GBE1: variants seen among roughly 807,000 people sequenced by gnomAD.
GBE1 encodes the protein 1,4-alpha-glucan branching enzyme 1.
GBE1 carries 70 observed loss-of-function variants against 88.8 expected under a neutral mutation model. The observed-to-expected ratio is 0.79, with a 90% CI of 0.65 to 0.96. The LOEUF is 0.96. GBE1 is among the 40% of genes least tolerant of loss of function. The pLI is 0.00. For synonymous variants in GBE1, 284 were observed against 300.1 expected, an observed-to-expected ratio of 0.95 and a Z score of 0.56; for missense variants, 872 against 871.0, an observed-to-expected ratio of 1.00 and a Z score of -0.01.
At chr3:81,608,531 A>G (rs927595287) in intron 7 of GBE1, among the ~76,000 whole-genome samples, 1 of 152,232 alleles carries the variant, frequency 6.6e-6, no homozygotes, top group Non-Finnish European at 1.5e-5. Context: ...TACGTTTGTG[A>G]TATTTGCTAT....
In GBE1 at chr3:81,610,993, T is replaced by C. The variant is rs112282191; in HGVS notation, c.993-16970A>G. Among the ~76,000 whole-genome samples the C allele has an allele frequency of 6.4e-3, 955 of 149,468 alleles. 11 individuals are homozygous for C. Among genetic ancestry groups the C allele is most frequent in the African/African-American group, 0.022 (897 of 41,092 alleles). ...TGATTTTAAGATTTTGCCAGACATA[T>C]ACTGGGGCTTTAAAAAAAAAAAGTA... On this transcript the variant is annotated intron_variant, in intron 7 of 15. Transcript: ENST00000429644.
intron 2 of GBE1, among the ~76,000 whole-genome samples, chr3:81,690,143 C>T (rs1459842433): frequency 6.6e-6 from 1 of 152,084 alleles, no homozygotes; most frequent in Middle Eastern, 3.2e-3. Context: ...TTCTAATGAG[C>T]ACAGTAAGAT....
chr3:81,702,591 C>T (rs1265035539), intron 2 of GBE1, among the ~76,000 whole-genome samples: 2 of 151,884 alleles, frequency 1.3e-5, no homozygotes, highest in Non-Finnish European at 2.9e-5. Context: ...GCTTTTCATG[C>T]CCTTAGTTAC....
chr3:81,626,696 G>A (rs1704421156), intron 7 of GBE1, among the ~76,000 whole-genome samples: 1 of 146,734 alleles, frequency 6.8e-6, no homozygotes, highest in Admixed American at 6.9e-5. Context: ...TGAGACTAGA[G>A]CCAGATCCTT....
At chr3:81,570,461 G>C (rs1482207067) in intron 12 of GBE1, among the ~76,000 whole-genome samples, 1 of 152,232 alleles carries the variant, frequency 6.6e-6, no homozygotes, top group African/African-American at 2.4e-5. Flanking sequence ...CAAATCTTAA[G>C]AGGGAGAAGA....
chr3:81,631,059 C>G (rs1167474440), intron 7 of GBE1, among the ~76,000 whole-genome samples: 1 of 151,862 alleles, frequency 6.6e-6, no homozygotes, highest in Non-Finnish European at 1.5e-5. Context: ...AAATAATTAG[C>G]CAGGCATGGT....
At chr3:81,512,995 C>T (rs958712761) in intron 14 of GBE1, among the ~76,000 whole-genome samples, 37 of 151,542 alleles carry the variant, frequency 2.4e-4, no homozygotes, top group African/African-American at 8.5e-4. Context: ...CTAGGTTATA[C>T]TAGAGTTTTT....
At chr3:81,702,258 G>C (rs2107163850) in intron 2 of GBE1, among the ~76,000 whole-genome samples, 1 of 151,682 alleles carries the variant, frequency 6.6e-6, no homozygotes, top group East Asian at 1.9e-4. Flanking sequence ...TGACCCACGT[G>C]TATATCTTTT....
chr3:81,610,899 C>T (rs1704172935), intron 7 of GBE1, among the ~76,000 whole-genome samples: 2 of 152,062 alleles, frequency 1.3e-5, no homozygotes, highest in African/African-American at 4.8e-5. Flanking sequence ...CATAAACCTT[C>T]ATTCACTAAC....
chr3:81,698,483 A>C (rs1705636390), intron 2 of GBE1, among the ~76,000 whole-genome samples: 1 of 152,328 alleles, frequency 6.6e-6, no homozygotes, highest in African/African-American at 2.4e-5. Flanking sequence ...AATAATCTAC[A>C]TGCAAAAGTC....
intron 7 of GBE1, among the ~76,000 whole-genome samples, chr3:81,636,738 C>A (rs1240663505): frequency 2.6e-5 from 4 of 152,204 alleles, no homozygotes; most frequent in Middle Eastern, 3.4e-3. Flanking sequence ...CTATATTGGT[C>A]AGGCTGGTTT....
intron 1 of GBE1, among the ~76,000 whole-genome samples, chr3:81,725,308 C>T (rs997032723): frequency 6.6e-6 from 1 of 151,916 alleles, no homozygotes; most frequent in South Asian, 2.1e-4. Flanking sequence ...AATATATTTT[C>T]TTTCTTTAAA....
chr3:81,643,080 T>A (rs757183544), intron 6 of GBE1, 90 bp from the exon 7 acceptor site: 1 of 827,980 alleles, frequency 1.2e-6, no homozygotes, highest in South Asian at 1.6e-5. Flanking sequence ...ATCGCAGTAC[T>A]AGATACTTTA....
intron 12 of GBE1, among the ~76,000 whole-genome samples, chr3:81,551,012 C>G (rs1028356471): frequency 6.6e-6 from 1 of 152,072 alleles, no homozygotes; most frequent in Non-Finnish European, 1.5e-5. Flanking sequence ...GTATAGGGAC[C>G]CTTTTCTGGT....
chr3:81,730,340 T>C lies in GBE1; in HGVS notation c.144-24727A>G, dbSNP rs184640800. On this transcript the variant is annotated intron_variant, in intron 1 of 15. Coordinates refer to ENST00000429644, the MANE Select transcript of GBE1 (RefSeq NM_000158.4). ...AACTAGCAGCAAATATATAGTGTTA[T>C]CTCCCCATAGGCAGAATGTGGGTCC... Among the ~76,000 whole-genome samples, 31 of 152,250 alleles carry C rather than the reference T, an allele frequency of 2.0e-4. No individual in the cohort carries two copies. In the East Asian group the frequency reaches 5.8e-3, roughly 29 times the overall value.
At chr3:81,588,155 A>G (rs1424389153) in intron 9 of GBE1, among the ~76,000 whole-genome samples, 1 of 151,782 alleles carries the variant, frequency 6.6e-6, no homozygotes, top group Non-Finnish European at 1.5e-5. Context: ...ATTATATGGT[A>G]GAATACATCC....
At chr3:81,511,149 G>A (rs984113958) in intron 14 of GBE1, among the ~76,000 whole-genome samples, 2 of 151,750 alleles carry the variant, frequency 1.3e-5, no homozygotes, top group Admixed American at 6.6e-5. Context: ...AGTAGACCTC[G>A]ACCTTTCACC....
intron 7 of GBE1, among the ~76,000 whole-genome samples, chr3:81,622,939 G>A (rs1001859590): frequency 2.0e-5 from 3 of 152,052 alleles, no homozygotes; most frequent in Non-Finnish European, 4.4e-5. Flanking sequence ...GCTTCTCACT[G>A]GACTATTGCA....
At chr3:81,621,656 A>AC (rs1399409636) in intron 7 of GBE1, among the ~76,000 whole-genome samples, 1 of 152,144 alleles carries the variant, frequency 6.6e-6, no homozygotes, top group African/African-American at 2.4e-5. Flanking sequence ...TAGAATTCTC[A>AC]CGGTCTATTA....
Sources: allele counts gnomAD v4.1 joint callset (sites outside exome capture counted in the v4.1 genomes callset), GRCh38; gene constraint gnomAD v4.1.1; transcripts MANE v1.5; gene names NCBI Gene and HGNC (gene_info 2026-07-23, HGNC 2026-07-21).